CR1L: variants seen among roughly 807,000 people sequenced by gnomAD.
The protein encoded by CR1L is complement C3b/C4b receptor 1 like, also known as complement component receptor 1-like protein.
In CR1L, 59 loss-of-function variants were observed where a neutral mutation model predicts 62.3. The ratio of observed to expected loss-of-function variants is 0.95; its 90% CI spans 0.77 to 1.18. The LOEUF is 1.18. CR1L is among the 50% of genes most tolerant of loss of function. CR1L has a pLI of 0.00. For missense variants in CR1L, 700 were observed against 702.8 expected, an observed-to-expected ratio of 1.00 and a Z score of 0.04; for synonymous variants, 279 against 248.7, an observed-to-expected ratio of 1.12 and a Z score of -1.15.
intron 1 of CR1L, among the ~76,000 whole-genome samples, chr1:207,655,565 T>A (rs1663294916): frequency 6.6e-6 from 1 of 152,160 alleles, no homozygotes; most frequent in Non-Finnish European, 1.5e-5. Context: ...CTCAGCCTCC[T>A]GAGCAGCTGA....
chr1:207,698,831 C>T (rs1664148657), intron 7 of CR1L, among the ~76,000 whole-genome samples: 1 of 152,172 alleles, frequency 6.6e-6, no homozygotes, highest in Non-Finnish European at 1.5e-5. Context: ...GTTTTACTTG[C>T]TGTTCCAGGG....
chr1:207,712,214 G>A (rs1457291343), intron 10 of CR1L, among the ~76,000 whole-genome samples: 3 of 152,190 alleles, frequency 2.0e-5, no homozygotes, highest in Admixed American at 2.0e-4. Flanking sequence ...AGAGAAATAT[G>A]GGGAAATCTG....
intron 4 of CR1L, among the ~76,000 whole-genome samples, chr1:207,690,866 C>T (rs775994301): frequency 1.3e-5 from 2 of 152,168 alleles, no homozygotes; most frequent in Non-Finnish European, 2.9e-5. Context: ...CTGTGTGTGT[C>T]CTTTGCTCTT....
At chr1:207,723,439 ATCT>A (rs1230263535) in intron 11 of CR1L, among the ~76,000 whole-genome samples, 176 bp from the exon 12 acceptor site, 1 of 151,058 alleles carries the variant, frequency 6.6e-6, no homozygotes, top group Non-Finnish European at 1.5e-5. Context: ...AAAAAAAAAA[ATCT>A]TCTCTGAGTG....
chr1:207,697,631 C>T lies in CR1L; in HGVS notation c.991C>T (p.His331Tyr), dbSNP rs769340352. 1.9e-6 allele frequency: 3 copies of T among 1,614,008 alleles called. No homozygotes were observed. Among genetic ancestry groups the T allele is most frequent in the Non-Finnish European group, 2.5e-6 (3 of 1,179,882 alleles). Residue 331 changes from histidine to tyrosine, a missense_variant, in exon 6 of 12, where the codon CAC becomes TAC. Transcript: ENST00000508064. ...GYDLRGSTYL[H>Y]CTPQGDWSPA... The stretch of plus-strand genomic sequence containing the variant: ...CGACCTCAGAGGATCTACGTATTTG[C>T]ACTGCACACCCCAGGGAGACTGGAG...
At chr1:207,692,021 T>C (rs1664005186) in intron 4 of CR1L, among the ~76,000 whole-genome samples, 1 of 152,152 alleles carries the variant, frequency 6.6e-6, no homozygotes, top group Admixed American at 6.5e-5. Context: ...GCCCGATTGG[T>C]TATAGCTCAG....
intron 9 of CR1L, among the ~76,000 whole-genome samples, chr1:207,706,696 C>A (rs1664272969): frequency 6.6e-6 from 1 of 152,184 alleles, no homozygotes; most frequent in Non-Finnish European, 1.5e-5. Flanking sequence ...ATATTCACAT[C>A]TAGAGGCTCC....
In CR1L at chr1:207,677,566, A is replaced by G. The variant is rs372041716; in HGVS notation, c.275A>G (p.Lys92Arg). ...SVWTSAKDKC[K>R]RKSCRNPPDP... ...TGGACAAGTGCTAAGGACAAGTGCAAACGTAAGTAACTCTGGAGTGGGAAC... is the reference window on the plus strand; with the variant it reads ...TGGACAAGTGCTAAGGACAAGTGCAGACGTAAGTAACTCTGGAGTGGGAAC... The change falls in exon 2 of 12, where the codon AAA (lysine) becomes AGA (arginine). Residue 92 changes from lysine (K) to arginine (R), a missense_variant and splice_region_variant. Coordinates refer to ENST00000508064, the MANE Select transcript of CR1L (RefSeq NM_175710.2). The G allele has an allele frequency of 6.2e-7, 1 of 1,612,240 alleles. No individual in the cohort carries two copies. Among genetic ancestry groups the G allele is most frequent in the Non-Finnish European group, 8.5e-7 (1 of 1,179,400 alleles).
At chr1:207,664,166 T>G (rs1275640758) in intron 1 of CR1L, among the ~76,000 whole-genome samples, 1 of 152,210 alleles carries the variant, frequency 6.6e-6, no homozygotes, top group Non-Finnish European at 1.5e-5. Context: ...ATTGTCCTGA[T>G]TTCAGCACTG....
chr1:207,652,215 G>C (rs1183818988), intron 1 of CR1L, among the ~76,000 whole-genome samples: 1 of 152,192 alleles, frequency 6.6e-6, no homozygotes, highest in African/African-American at 2.4e-5. Flanking sequence ...ACTTCTTAGA[G>C]GAGAAGTTAC....
intron 10 of CR1L, among the ~76,000 whole-genome samples, chr1:207,713,898 C>T (rs545150416): frequency 6.6e-6 from 1 of 152,338 alleles, no homozygotes; most frequent in South Asian, 2.1e-4. Context: ...CTGACTTGGC[C>T]TGCATCTCCA....
chr1:207,672,796 G>C (rs1037117862), intron 1 of CR1L, among the ~76,000 whole-genome samples: 3 of 152,102 alleles, frequency 2.0e-5, no homozygotes, highest in Non-Finnish European at 4.4e-5. Context: ...AGAAAGAAGG[G>C]TAATTCCAAT....
intron 10 of CR1L, chr1:207,715,321 A>G: frequency 6.3e-7 from 1 of 1,588,722 alleles, no homozygotes; most frequent in Non-Finnish European, 8.6e-7. Flanking sequence ...GGTTCTGATT[A>G]AAAGGCAGGT....
intron 9 of CR1L, among the ~76,000 whole-genome samples, chr1:207,705,286 TC>T (rs1377591012): frequency 6.6e-6 from 1 of 152,224 alleles, no homozygotes; most frequent in Non-Finnish European, 1.5e-5. Flanking sequence ...AGATTGTATT[TC>T]CAAATAAGGT....
intron 1 of CR1L, among the ~76,000 whole-genome samples, chr1:207,646,730 AAAAAAG>A: frequency 6.6e-6 from 1 of 151,208 alleles, no homozygotes; most frequent in Non-Finnish European, 1.5e-5. Context: ...AAAAAAAAAA[AAAAAAG>A]CCAAAAAATA....
At chr1:207,675,525 A>G (rs1443054865) in intron 1 of CR1L, among the ~76,000 whole-genome samples, 2 of 152,210 alleles carry the variant, frequency 1.3e-5, no homozygotes, top group Non-Finnish European at 2.9e-5. Context: ...GAAAAAGGGG[A>G]AAGGGCCACC....
chr1:207,645,286 G>T lies in CR1L; in HGVS notation c.53G>T (p.Gly18Val). 6.2e-7 allele frequency: 1 copy of T among 1,613,916 alleles called. No individual in the cohort carries two copies. The highest frequency in any genetic ancestry group is 8.5e-7 in the Non-Finnish European group (1 of 1,180,014). Reference protein sequence around the residue: ...ERPFPSRRFPGLLLAALVLLL... With the variant: ...ERPFPSRRFPVLLLAALVLLL... ...CCCTTTCCTTCCCGGCGCTTTCCTG[G>T]GTTGCTTCTGGCGGCCCTGGTGTTG... The change falls in exon 1 of 12, where the codon GGG becomes GTG. Residue 18 changes from glycine to valine, a missense_variant. Physicochemically the swap from Gly to Val is moderately radical, Grantham distance 109. Coordinates refer to ENST00000508064, the MANE Select transcript of CR1L (RefSeq NM_175710.2).
chr1:207,702,192 T>C (rs7537669), intron 9 of CR1L, among the ~76,000 whole-genome samples: 7,445 of 152,312 alleles, frequency 0.049, 251 homozygotes, highest in Non-Finnish European at 0.076. Context: ...TTCATTATTA[T>C]CATGTCTGTG....
At chr1:207,653,006 T>C in intron 1 of CR1L, 1 of 231,054 alleles carries the variant, frequency 4.3e-6, no homozygotes, top group Middle Eastern at 1.6e-3. Flanking sequence ...AAAACCGCAA[T>C]GCAGAATTTT....
Sources: gnomAD v4.1 joint callset for allele counts (sites outside exome capture counted in the v4.1 genomes callset) on GRCh38, gnomAD v4.1.1 for gene constraint, MANE v1.5 for transcripts, NCBI Gene and HGNC (gene_info 2026-07-23, HGNC 2026-07-21) for gene names.